Variants in MACROD2 observed in about 807,000 individuals in gnomAD.
The protein encoded by MACROD2 is ADP-ribose glycohydrolase MACROD2.
In MACROD2, 36 loss-of-function variants were observed where a neutral mutation model predicts 70.4. The ratio of observed to expected loss-of-function variants is 0.51; its 90% CI spans 0.39 to 0.68. The LOEUF (loss-of-function observed/expected upper bound fraction) is 0.68, where lower values mean the gene tolerates loss of function less well. Ranked by LOEUF, MACROD2 falls within the 30% of genes least tolerant of loss-of-function variation. The pLI, the probability that MACROD2 is intolerant of heterozygous loss-of-function variation, is 0.00. For synonymous variants in MACROD2, 172 were observed against 178.8 expected, an observed-to-expected ratio of 0.96 and a Z score of 0.30; for missense variants, 496 against 538.4, an observed-to-expected ratio of 0.92 and a Z score of 0.78.
At chr20:15,152,515 C>T (rs895558019) in intron 5 of MACROD2, among the ~76,000 whole-genome samples, 1 of 151,378 alleles carries the variant, frequency 6.6e-6, no homozygotes, top group Non-Finnish European at 1.5e-5. Flanking sequence ...AATAAGGGAT[C>T]GGGGCACAGA....
intron 5 of MACROD2, among the ~76,000 whole-genome samples, chr20:14,813,429 A>T (rs897000030): frequency 1.4e-5 from 2 of 139,088 alleles, no homozygotes; most frequent in Non-Finnish European, 3.0e-5. Flanking sequence ...TCAGCTCCCC[A>T]CTTATAAGTG....
chr20:15,148,559 A>G (rs1437626274), intron 5 of MACROD2, among the ~76,000 whole-genome samples: 3 of 152,052 alleles, frequency 2.0e-5, no homozygotes, highest in South Asian at 2.1e-4. Context: ...CAGGGCATGT[A>G]TGAGTAGTTG....
intron 5 of MACROD2, among the ~76,000 whole-genome samples, chr20:15,229,521 T>A: frequency 6.6e-6 from 1 of 152,206 alleles, no homozygotes; most frequent in East Asian, 1.9e-4. Context: ...GTCTTAGAAG[T>A]AAGCTAGGCT....
At chr20:15,322,209 A>T (rs1317179327) in intron 6 of MACROD2, among the ~76,000 whole-genome samples, 7 of 141,328 alleles carry the variant, frequency 5.0e-5, no homozygotes, top group African/African-American at 1.8e-4. Context: ...GTTTTTAAAC[A>T]TACAAAAAAA....
intron 4 of MACROD2, among the ~76,000 whole-genome samples, chr20:14,611,569 A>T (rs1442920680): frequency 6.6e-6 from 1 of 151,804 alleles, no homozygotes; most frequent in African/African-American, 2.4e-5. Context: ...AAAGGGAAAG[A>T]CAAAGCACCA....
intron 4 of MACROD2, among the ~76,000 whole-genome samples, chr20:14,585,288 G>A (rs1271625929): frequency 6.6e-6 from 1 of 152,134 alleles, no homozygotes; most frequent in Non-Finnish European, 1.5e-5. Context: ...CTTCTTACTG[G>A]AGGTGTTAGG....
At chr20:14,600,720 T>C (rs948743171) in intron 4 of MACROD2, among the ~76,000 whole-genome samples, 4 of 152,208 alleles carry the variant, frequency 2.6e-5, no homozygotes, top group African/African-American at 9.6e-5. Flanking sequence ...CGTTAGTTCA[T>C]GTTGCCTCAC....
intron 4 of MACROD2, among the ~76,000 whole-genome samples, chr20:14,620,011 T>C (rs1022858510): frequency 6.6e-6 from 1 of 152,136 alleles, no homozygotes; most frequent in African/African-American, 2.4e-5. Flanking sequence ...GCCCTGACAT[T>C]TGTCACTTTG....
intron 6 of MACROD2, among the ~76,000 whole-genome samples, chr20:15,257,021 G>A (rs1356268244): frequency 2.0e-5 from 3 of 151,918 alleles, no homozygotes; most frequent in African/African-American, 7.2e-5. Context: ...CTTTTATGCA[G>A]GTAGACTCCG....
At chr20:15,747,496 A>T (rs1196307657) in intron 8 of MACROD2, among the ~76,000 whole-genome samples, 2 of 152,160 alleles carry the variant, frequency 1.3e-5, no homozygotes, top group Non-Finnish European at 2.9e-5. Flanking sequence ...ACTAAATTTG[A>T]ATTCCTGGAT....
chr20:14,426,844 A>C (rs968254405), intron 3 of MACROD2, among the ~76,000 whole-genome samples: 1 of 152,050 alleles, frequency 6.6e-6, no homozygotes, highest in Non-Finnish European at 1.5e-5. Flanking sequence ...TGTGTTTTCC[A>C]CTGTTAACTA....
At chr20:15,524,620 G>T (rs1239151160) in intron 8 of MACROD2, among the ~76,000 whole-genome samples, 2 of 152,070 alleles carry the variant, frequency 1.3e-5, no homozygotes, top group African/African-American at 2.4e-5. Context: ...CTTCCTGTTA[G>T]GAGGAAAAGG....
chr20:14,538,654 T>C (rs964712131), intron 4 of MACROD2, among the ~76,000 whole-genome samples: 9 of 152,168 alleles, frequency 5.9e-5, no homozygotes, highest in African/African-American at 2.2e-4. Context: ...AAGGAACTGA[T>C]ACCCACCTCA....
At chr20:15,718,033 T>TG (rs2050731469) in intron 8 of MACROD2, among the ~76,000 whole-genome samples, 1 of 144,158 alleles carries the variant, frequency 6.9e-6, no homozygotes, top group Non-Finnish European at 1.5e-5. Flanking sequence ...TTTTTTTTTT[T>TG]GTTTTGAGAC....
At chr20:14,731,764 G>A (rs1157335815) in intron 5 of MACROD2, among the ~76,000 whole-genome samples, 4 of 152,142 alleles carry the variant, frequency 2.6e-5, no homozygotes, top group African/African-American at 9.6e-5. Context: ...TAAATGCATG[G>A]TGTTTTCCAG....
At chr20:14,825,378 C>G (rs1038986490) in intron 5 of MACROD2, among the ~76,000 whole-genome samples, 1 of 152,030 alleles carries the variant, frequency 6.6e-6, no homozygotes, top group Non-Finnish European at 1.5e-5. Flanking sequence ...TGTCCAAAGT[C>G]TTTTCTAGAA....
intron 8 of MACROD2, among the ~76,000 whole-genome samples, chr20:15,685,027 T>G (rs903450811): frequency 6.6e-6 from 1 of 152,192 alleles, no homozygotes; most frequent in Non-Finnish European, 1.5e-5. Context: ...GTAGCTTATT[T>G]TTAAAATAAA....
chr20:14,760,131 G>C (rs2071995252), intron 5 of MACROD2, among the ~76,000 whole-genome samples: 1 of 152,026 alleles, frequency 6.6e-6, no homozygotes, highest in South Asian at 2.1e-4. Context: ...GTGTTGCACA[G>C]AACTCCCAAG....
chr20:15,437,447 A>G (rs2046441344), intron 7 of MACROD2, among the ~76,000 whole-genome samples: 1 of 152,152 alleles, frequency 6.6e-6, no homozygotes, highest in South Asian at 2.1e-4. Context: ...AGTGTTGTCT[A>G]TCTCATGCCC....
Sources: gnomAD v4.1 joint callset for allele counts (sites outside exome capture counted in the v4.1 genomes callset) on GRCh38, gnomAD v4.1.1 for gene constraint, MANE v1.5 for transcripts, NCBI Gene and HGNC (gene_info 2026-07-23, HGNC 2026-07-21) for gene names.